The following EDAR variants were observed in gnomAD, a reference collection of about 807,000 sequenced individuals.
EDAR encodes the protein ectodysplasin A receptor.
In EDAR, 38 loss-of-function variants were observed where a neutral mutation model predicts 51.3. The ratio of observed to expected loss-of-function variants is 0.74; its 90% CI spans 0.57 to 0.97. EDAR has a LOEUF of 0.97. Ranked by LOEUF, EDAR falls within the 50% of genes least tolerant of loss-of-function variation. EDAR has a pLI of 0.00. For missense variants in EDAR, 528 were observed against 595.0 expected (o/e 0.89, Z 1.17); for synonymous variants, 227 against 242.1 (o/e 0.94, Z 0.58).
intron 4 of EDAR, among the ~76,000 whole-genome samples, chr2:108,925,314 A>C (rs1697231752): frequency 6.6e-6 from 1 of 152,254 alleles, no homozygotes. Flanking sequence ...CAGAGGCCCC[A>C]AAAGGCCTCT....
At chr2:108,933,631 C>T (rs958061256) in intron 1 of EDAR, among the ~76,000 whole-genome samples, 2 of 152,188 alleles carry the variant, frequency 1.3e-5, no homozygotes, top group African/African-American at 4.8e-5. Flanking sequence ...ACACTGCCTG[C>T]ACTTTAGTGT....
intron 11 of EDAR, among the ~76,000 whole-genome samples, chr2:108,902,949 A>G (rs756573094): frequency 1.3e-5 from 2 of 152,218 alleles, no homozygotes; most frequent in African/African-American, 2.4e-5. Context: ...ATTGGAAAGG[A>G]AGAAATAAAA....
chr2:108,987,624 C>T lies in EDAR; in HGVS notation c.-19+1336G>A, dbSNP rs1451964015. On this transcript the variant is annotated intron_variant, in intron 1 of 11. Coordinates refer to ENST00000258443, the MANE Select transcript of EDAR (RefSeq NM_022336.4). ...TTTTCCTCCCAAAGACTGGTCCTTC[C>T]AAGATTATCCTCCAACTGTGCTGTC... is the stretch of plus-strand genomic sequence containing the variant. Among the ~76,000 whole-genome samples, 3 of 152,222 alleles carry T rather than the reference C, an allele frequency of 2.0e-5. No individual in the cohort carries two copies. In the East Asian group the frequency reaches 5.8e-4, roughly 29 times the overall value.
intron 1 of EDAR, among the ~76,000 whole-genome samples, chr2:108,974,078 C>A (rs1698280033): frequency 1.3e-5 from 2 of 151,656 alleles, no homozygotes; most frequent in African/African-American, 4.8e-5. Flanking sequence ...GCCTGTAATC[C>A]CAGCACTTTG....
chr2:108,958,527 G>A (rs1169649679), intron 1 of EDAR, among the ~76,000 whole-genome samples: 2 of 152,162 alleles, frequency 1.3e-5, no homozygotes, highest in African/African-American at 4.8e-5. Context: ...AGGGGGGCAT[G>A]GCAAGACCCT....
chr2:108,904,610 G>A (rs1252921857), intron 11 of EDAR, among the ~76,000 whole-genome samples: 2 of 152,284 alleles, frequency 1.3e-5, no homozygotes, highest in South Asian at 2.1e-4. Flanking sequence ...GTCCATTTAT[G>A]CCACAGACTA....
chr2:108,964,863 T>C (rs260692), intron 1 of EDAR, among the ~76,000 whole-genome samples: 108,651 of 152,074 alleles, frequency 0.71, 44,388 homozygotes, highest in Non-Finnish European at 0.94. Flanking sequence ...TTCCACAAAC[T>C]GTGTAGCATG....
At chr2:108,981,199 G>T (rs895028731) in intron 1 of EDAR, among the ~76,000 whole-genome samples, 1 of 152,168 alleles carries the variant, frequency 6.6e-6, no homozygotes, top group East Asian at 1.9e-4. Flanking sequence ...ATGATCTGAC[G>T]TTCCACCACC....
intron 1 of EDAR, among the ~76,000 whole-genome samples, chr2:108,977,227 G>A (rs1457591538): frequency 6.6e-6 from 1 of 152,038 alleles, no homozygotes; most frequent in Non-Finnish European, 1.5e-5. Flanking sequence ...TGCCTTTGCC[G>A]CCGGGAGATC....
intron 1 of EDAR, among the ~76,000 whole-genome samples, chr2:108,955,254 G>T (rs1697896842): frequency 1.3e-5 from 2 of 152,074 alleles, no homozygotes; most frequent in South Asian, 2.1e-4. Context: ...GAGGATTAAT[G>T]AGATAAATTA....
chr2:108,912,851 G>A, intron 5 of EDAR, 87 bp from the exon 6 acceptor site: 1 of 1,131,206 alleles, frequency 8.8e-7, no homozygotes. Context: ...CTGGATTCAT[G>A]ATCATGAATG....
At chr2:108,977,911 C>A (rs772030603) in intron 1 of EDAR, among the ~76,000 whole-genome samples, 4 of 152,214 alleles carry the variant, frequency 2.6e-5, no homozygotes, top group Non-Finnish European at 5.9e-5. Flanking sequence ...GAAACAACAG[C>A]CATTTGCTTA....
chr2:108,952,636 C>A (rs562807040), intron 1 of EDAR, among the ~76,000 whole-genome samples: 1 of 152,164 alleles, frequency 6.6e-6, no homozygotes, highest in African/African-American at 2.4e-5. Context: ...TTCTTTAAAT[C>A]CTTGAACATA....
intron 5 of EDAR, among the ~76,000 whole-genome samples, chr2:108,919,020 G>A (rs766202146): frequency 6.6e-6 from 1 of 152,058 alleles, no homozygotes; most frequent in Non-Finnish European, 1.5e-5. Context: ...GCTGAGTCTC[G>A]GGCCCACTGG....
At chr2:108,898,872 G>A (rs1036761914) in intron 11 of EDAR, among the ~76,000 whole-genome samples, 2 of 152,158 alleles carry the variant, frequency 1.3e-5, no homozygotes, top group Non-Finnish European at 2.9e-5. Flanking sequence ...AACTAGAAGT[G>A]GAAATTACTC....
chr2:108,972,119 G>C (rs1040432084), intron 1 of EDAR, among the ~76,000 whole-genome samples: 1 of 152,244 alleles, frequency 6.6e-6, no homozygotes, highest in African/African-American at 2.4e-5. Flanking sequence ...CAGCGGAGCC[G>C]CTCCCTGATT....
chr2:108,965,464 CAA>C (rs71383817), intron 1 of EDAR, among the ~76,000 whole-genome samples: 5 of 137,370 alleles, frequency 3.6e-5, no homozygotes, highest in Non-Finnish European at 4.7e-5. Flanking sequence ...GATTTCGTCT[CAA>C]AAAAAAAAAA....
At chr2:108,920,604 A>C (rs979702890) in intron 5 of EDAR, among the ~76,000 whole-genome samples, 1 of 152,174 alleles carries the variant, frequency 6.6e-6, no homozygotes, top group Admixed American at 6.5e-5. Context: ...AGTATGTTCC[A>C]ATCCAAGGTG....
At chr2:108,929,149 G>T (rs1182868750) in intron 4 of EDAR, 49 bp downstream of exon 4, 5 of 1,610,162 alleles carry the variant, frequency 3.1e-6, no homozygotes, top group African/African-American at 2.7e-5. Flanking sequence ...GCCCCTCGGG[G>T]TTTTCTGCAG....
Sources: allele counts gnomAD v4.1 joint callset (sites outside exome capture counted in the v4.1 genomes callset), GRCh38; gene constraint gnomAD v4.1.1; transcripts MANE v1.5; gene names NCBI Gene and HGNC (gene_info 2026-07-23, HGNC 2026-07-21).